ZNF385B: variants seen among roughly 807,000 people sequenced by gnomAD.
ZNF385B encodes zinc finger protein 385B.
Under a neutral mutation model 39.2 loss-of-function variants are expected in ZNF385B, and 23 were observed. The observed-to-expected ratio is 0.59, with a 90% CI of 0.42 to 0.83. The LOEUF (loss-of-function observed/expected upper bound fraction) is 0.83. ZNF385B is among the 40% of genes least tolerant of loss of function. The pLI is 0.00. For synonymous variants in ZNF385B, 205 were observed against 222.6 expected (o/e 0.92, Z 0.70); for missense variants, 552 against 598.9 (o/e 0.92, Z 0.82).
intron 3 of ZNF385B, among the ~76,000 whole-genome samples, chr2:179,711,988 G>A (rs1292711844): frequency 6.8e-6 from 1 of 147,244 alleles, no homozygotes; most frequent in Non-Finnish European, 1.5e-5. Flanking sequence ...CTGTGTTTTG[G>A]TTGCCGGCTC....
intron 1 of ZNF385B, among the ~76,000 whole-genome samples, chr2:179,818,050 ATG>A (rs1040448994): frequency 7.3e-5 from 11 of 150,986 alleles, no homozygotes; most frequent in Admixed American, 1.3e-4. Flanking sequence ...ATGTGTGTGA[ATG>A]TGTGTGTGTA....
At chr2:179,785,785 T>C (rs1025641476) in intron 1 of ZNF385B, among the ~76,000 whole-genome samples, 2 of 152,154 alleles carry the variant, frequency 1.3e-5, no homozygotes, top group Middle Eastern at 3.2e-3. Context: ...GGAATCTTGG[T>C]AAAGATGCTG....
chr2:179,462,814 C>T (rs2051494117), intron 6 of ZNF385B, among the ~76,000 whole-genome samples: 1 of 152,014 alleles, frequency 6.6e-6, no homozygotes, highest in African/African-American at 2.4e-5. Context: ...TCTCAGATTG[C>T]CTTACTTTAT....
chr2:179,503,873 T>C (rs2056988270), intron 5 of ZNF385B, among the ~76,000 whole-genome samples: 1 of 142,464 alleles, frequency 7.0e-6, no homozygotes, highest in South Asian at 2.3e-4. Context: ...TTTTTTTTTT[T>C]CATTCTTTTT....
intron 3 of ZNF385B, among the ~76,000 whole-genome samples, chr2:179,630,355 C>T (rs1403869035): frequency 6.6e-6 from 1 of 152,246 alleles, no homozygotes; most frequent in African/African-American, 2.4e-5. Context: ...TTCTGCAGCT[C>T]TGCTGGTGAT....
chr2:179,828,427 G>A (rs1490706134), intron 1 of ZNF385B, among the ~76,000 whole-genome samples: 2 of 152,046 alleles, frequency 1.3e-5, no homozygotes, highest in African/African-American at 4.8e-5. Flanking sequence ...AGCAATAATG[G>A]CCTGTATTTG....
At chr2:179,829,003 G>A (rs962688018) in intron 1 of ZNF385B, among the ~76,000 whole-genome samples, 11 of 151,174 alleles carry the variant, frequency 7.3e-5, no homozygotes, top group Admixed American at 2.6e-4. Flanking sequence ...TTCCAAACCA[G>A]TAACTCAAAG....
intron 3 of ZNF385B, among the ~76,000 whole-genome samples, chr2:179,698,124 G>T (rs573655489): frequency 4.9e-4 from 74 of 152,004 alleles, no homozygotes; most frequent in Middle Eastern, 3.4e-3. Context: ...ACACCAACAT[G>T]GCACATGTAA....
chr2:179,589,129 C>T (rs1687346334), intron 3 of ZNF385B, among the ~76,000 whole-genome samples: 1 of 152,182 alleles, frequency 6.6e-6, no homozygotes. Flanking sequence ...CATACCCAAG[C>T]ACCTTGGGAA....
At chr2:179,795,579 C>T (rs2106545987) in intron 1 of ZNF385B, among the ~76,000 whole-genome samples, 1 of 152,168 alleles carries the variant, frequency 6.6e-6, no homozygotes, top group East Asian at 1.9e-4. Context: ...AATGTAAAGT[C>T]TAGATATATC....
rs544576550 is a variant in ZNF385B, at chr2:179,798,720, G to C, written c.-154-28048C>G. ...TGGTATATATTCCTTGGTAAGTATAGTCAAATTACTGTGGTTAAAGCTTTA... is the reference window on the plus strand; with the variant it reads ...TGGTATATATTCCTTGGTAAGTATACTCAAATTACTGTGGTTAAAGCTTTA... On this transcript the variant is annotated intron_variant, in intron 1 of 9. Coordinates refer to ENST00000410066, the MANE Select transcript of ZNF385B (RefSeq NM_152520.6). 2.0e-5 allele frequency among the ~76,000 whole-genome samples: 3 copies of C among 152,090 alleles called. No individual in the cohort carries two copies. The South Asian group carries it at 6.2e-4, about 32-fold the overall frequency.
intron 5 of ZNF385B, among the ~76,000 whole-genome samples, chr2:179,506,336 G>T (rs1364859839): frequency 1.3e-5 from 2 of 151,524 alleles, no homozygotes; most frequent in Admixed American, 1.3e-4. Flanking sequence ...CAACTGTAAG[G>T]TGTATTAACT....
In ZNF385B at chr2:179,671,229, C is replaced by T. The variant is rs555169794; in HGVS notation, c.298+98274G>A. 6.5e-4 allele frequency among the ~76,000 whole-genome samples: 99 copies of T among 152,288 alleles called. No individual in the cohort carries two copies. The South Asian group carries it at 0.015, about 23-fold the overall frequency. On this transcript the variant is annotated intron_variant, in intron 3 of 9. Transcript: ENST00000410066. ...AAGAGTGTCTTTGGCTTTTCTTATG[C>T]TCCTCCCGCTTGAAATACTGAATTC... is the stretch of plus-strand genomic sequence containing the variant.
chr2:179,733,782 C>CAAAAAAA (rs11400555), intron 3 of ZNF385B, among the ~76,000 whole-genome samples: 1 of 103,510 alleles, frequency 9.7e-6, no homozygotes, highest in African/African-American at 3.7e-5. Flanking sequence ...GACTCCGTCT[C>CAAAAAAA]AAAAAAAAAA....
At chr2:179,513,887 T>A (rs1476946513) in intron 5 of ZNF385B, among the ~76,000 whole-genome samples, 1 of 152,146 alleles carries the variant, frequency 6.6e-6, no homozygotes, top group African/African-American at 2.4e-5. Context: ...AGGCAAGAGA[T>A]CCAGACTTAT....
intron 6 of ZNF385B, among the ~76,000 whole-genome samples, chr2:179,458,766 T>A (rs2050980209): frequency 6.6e-6 from 1 of 152,152 alleles, no homozygotes; most frequent in Non-Finnish European, 1.5e-5. Context: ...AACCTTACCC[T>A]TGTTTACTGT....
chr2:179,828,900 C>T (rs755192894), intron 1 of ZNF385B, among the ~76,000 whole-genome samples: 23 of 150,920 alleles, frequency 1.5e-4, no homozygotes, highest in Admixed American at 5.3e-4. Flanking sequence ...GGTTTGTTAG[C>T]CAAGTACAGT....
intron 3 of ZNF385B, among the ~76,000 whole-genome samples, chr2:179,589,641 T>C (rs115080479): frequency 0.019 from 2,936 of 152,314 alleles, 106 homozygotes; most frequent in Admixed American, 0.095. Flanking sequence ...CTGAGCCTAA[T>C]ATGTGACTAT....
chr2:179,781,982 G>A (rs1382356446), intron 1 of ZNF385B, among the ~76,000 whole-genome samples: 3 of 152,176 alleles, frequency 2.0e-5, no homozygotes, highest in African/African-American at 7.2e-5. Flanking sequence ...CTCATTCTGT[G>A]AGGCCAGCAT....
Sources: gnomAD v4.1 joint callset for allele counts (sites outside exome capture counted in the v4.1 genomes callset) on GRCh38, gnomAD v4.1.1 for gene constraint, MANE v1.5 for transcripts, NCBI Gene and HGNC (gene_info 2026-07-23, HGNC 2026-07-21) for gene names.